FGGY: variants seen among roughly 807,000 people sequenced by gnomAD.
FGGY encodes the protein FGGY carbohydrate kinase domain containing.
A neutral mutation model predicts 71.3 loss-of-function variants in FGGY; 72 were observed. That is an observed-to-expected ratio of 1.01 (90% CI 0.84 to 1.23). FGGY has a LOEUF of 1.23. FGGY is among the 50% of genes most tolerant of loss of function. FGGY has a pLI of 0.00. For missense variants in FGGY, 668 were observed against 682.3 expected (o/e 0.98, Z 0.23); for synonymous variants, 251 against 250.3 (o/e 1.00, Z -0.02).
At chr1:59,668,986 CAT>C (rs1383302988) in intron 13 of FGGY, among the ~76,000 whole-genome samples, 2 of 112,918 alleles carry the variant, frequency 1.8e-5, no homozygotes, top group Non-Finnish European at 3.5e-5. Context: ...AGCAAAACTC[CAT>C]CTCAAAAAAA....
At chr1:59,373,605 C>T (rs1342440431) in intron 4 of FGGY, among the ~76,000 whole-genome samples, 2 of 152,154 alleles carry the variant, frequency 1.3e-5, no homozygotes, top group African/African-American at 4.8e-5. Flanking sequence ...CCAAGTCAAT[C>T]CTAAGCCAAA....
chr1:59,357,865 G>T (rs1271965970), intron 4 of FGGY, among the ~76,000 whole-genome samples: 8 of 152,200 alleles, frequency 5.3e-5, no homozygotes, highest in African/African-American at 1.9e-4. Context: ...CTTCCTGACG[G>T]CTGTGCAGGG....
chr1:59,738,500 G>A (rs1415925796), intron 14 of FGGY, among the ~76,000 whole-genome samples: 1 of 152,224 alleles, frequency 6.6e-6, no homozygotes, highest in East Asian at 1.9e-4. Context: ...GGTTTCCCCA[G>A]AATGGCCACC....
chr1:59,617,308 TG>T (rs2096765642), intron 9 of FGGY, among the ~76,000 whole-genome samples: 1 of 152,044 alleles, frequency 6.6e-6, no homozygotes, highest in Non-Finnish European at 1.5e-5. Flanking sequence ...TTAAAAACCA[TG>T]GATTTTAAAA....
intron 4 of FGGY, among the ~76,000 whole-genome samples, chr1:59,375,541 A>G (rs2058527955): frequency 6.6e-6 from 1 of 152,188 alleles, no homozygotes; most frequent in Non-Finnish European, 1.5e-5. Flanking sequence ...TATTTGTTGA[A>G]TTACTAGACA....
intron 1 of FGGY, among the ~76,000 whole-genome samples, chr1:59,312,930 G>A (rs2044647070): frequency 6.6e-6 from 1 of 152,156 alleles, no homozygotes; most frequent in African/African-American, 2.4e-5. Context: ...TAAAAGGATA[G>A]CCAACTTTTC....
At chr1:59,592,209 G>A (rs1262734521) in intron 8 of FGGY, among the ~76,000 whole-genome samples, 1 of 152,174 alleles carries the variant, frequency 6.6e-6, no homozygotes, top group Admixed American at 6.5e-5. Context: ...GGCCATCAGA[G>A]AAATGCAAAT....
chr1:59,575,963 A>G (rs1013676542), intron 8 of FGGY, among the ~76,000 whole-genome samples: 2 of 152,202 alleles, frequency 1.3e-5, no homozygotes, highest in African/African-American at 2.4e-5. Context: ...ACAAGATCAT[A>G]TCATCTGCAA....
chr1:59,566,985 G>A (rs747597641), intron 8 of FGGY, among the ~76,000 whole-genome samples: 1 of 152,158 alleles, frequency 6.6e-6, no homozygotes, highest in Non-Finnish European at 1.5e-5. Context: ...CCATTTACTT[G>A]TATGTACCTG....
intron 2 of FGGY, among the ~76,000 whole-genome samples, 163 bp downstream of exon 2, chr1:59,321,913 T>TA (rs1417748599): frequency 6.6e-6 from 1 of 152,184 alleles, no homozygotes; most frequent in Non-Finnish European, 1.5e-5. Context: ...CAGAGACTGA[T>TA]AAACAGCTAA....
intron 11 of FGGY, 22 bp downstream of exon 11, chr1:59,638,397 C>T (rs761524607): frequency 6.2e-7 from 1 of 1,613,494 alleles, no homozygotes; most frequent in East Asian, 2.2e-5. Flanking sequence ...CTAGTCCTTG[C>T]ACATGGGTGA....
intron 5 of FGGY, among the ~76,000 whole-genome samples, chr1:59,404,828 C>T (rs2062499305): frequency 6.6e-6 from 1 of 152,130 alleles, no homozygotes; most frequent in African/African-American, 2.4e-5. Flanking sequence ...CTGCACCACA[C>T]CAATGTCCGT....
At chr1:59,543,345 G>A (rs1376777944) in intron 7 of FGGY, among the ~76,000 whole-genome samples, 2 of 152,200 alleles carry the variant, frequency 1.3e-5, no homozygotes, top group African/African-American at 4.8e-5. Context: ...TCTCCTGGGA[G>A]TAGTGGTGGC....
chr1:59,415,767 A>G (rs549684667), intron 5 of FGGY, among the ~76,000 whole-genome samples: 1 of 152,310 alleles, frequency 6.6e-6, no homozygotes, highest in East Asian at 1.9e-4. Context: ...TGTCTTGTAA[A>G]TGCTGTCTTT....
chr1:59,582,465 C>A (rs931272512), intron 8 of FGGY, among the ~76,000 whole-genome samples: 3 of 149,824 alleles, frequency 2.0e-5, no homozygotes, highest in African/African-American at 7.6e-5. Flanking sequence ...TCCAGCCTCA[C>A]GTTGCACTAC....
At chr1:59,740,588 TATTG>T (rs756047526) in intron 14 of FGGY, among the ~76,000 whole-genome samples, 10 of 152,378 alleles carry the variant, frequency 6.6e-5, no homozygotes, top group Non-Finnish European at 1.3e-4. Context: ...TAGGGCTTTC[TATTG>T]ATTATTTATC....
chr1:59,455,704 C>A (rs2091618639), intron 5 of FGGY, among the ~76,000 whole-genome samples: 1 of 152,174 alleles, frequency 6.6e-6, no homozygotes, highest in Admixed American at 6.5e-5. Context: ...ACTTACCCAG[C>A]ATGATAAGGG....
chr1:59,635,381 G>C (rs1330105211), intron 10 of FGGY, among the ~76,000 whole-genome samples: 1 of 152,122 alleles, frequency 6.6e-6, no homozygotes, highest in Non-Finnish European at 1.5e-5. Flanking sequence ...CATATATGTA[G>C]AGGCTAAATG....
At chr1:59,520,366 C>T (rs1440951008) in intron 7 of FGGY, among the ~76,000 whole-genome samples, 1 of 152,138 alleles carries the variant, frequency 6.6e-6, no homozygotes, top group Non-Finnish European at 1.5e-5. Context: ...CAGAGTCAAG[C>T]CACACGGGAC....
Sources: allele counts gnomAD v4.1 joint callset (sites outside exome capture counted in the v4.1 genomes callset), GRCh38; gene constraint gnomAD v4.1.1; transcripts MANE v1.5; gene names NCBI Gene and HGNC (gene_info 2026-07-23, HGNC 2026-07-21).